Variants in GGT7 observed in about 807,000 individuals in gnomAD.
GGT7 encodes the protein glutathione hydrolase 7.
In GGT7, 30 loss-of-function variants were observed where a neutral mutation model predicts 69.2. The observed-to-expected ratio is 0.43, with a 90% CI of 0.32 to 0.59. GGT7 has a LOEUF of 0.59. Ranked by LOEUF, GGT7 falls within the 20% of genes least tolerant of loss-of-function variation. GGT7 has a pLI of 0.05. For missense variants in GGT7, 733 were observed against 901.1 expected (o/e 0.81, Z 2.39); for synonymous variants, 388 against 391.8 (o/e 0.99, Z 0.12).
Position 34,859,602 on chromosome 20 carries a change from G to T in GGT7, c.855C>A (p.Ser285=), listed in dbSNP as rs762799045. 1.9e-6 allele frequency: 3 copies of T among 1,599,758 alleles called. No homozygotes were observed. The highest frequency in any genetic ancestry group is 1.3e-5 in the African/African-American group (1 of 74,888). ...ALAEQLPPNM[S]ERFRETFLPS... is the part of the protein sequence containing the mutation. ...GCAGGAACGTCTCCCGGAAGCGCTC[G>T]GACATGTTGGGTGGCAGCTGTTCAG... The change falls in exon 7 of 15, where the codon TCC becomes TCA. Residue 285 remains serine (S), a synonymous_variant. Coordinates refer to ENST00000336431, the MANE Select transcript of GGT7 (RefSeq NM_178026.3).
In GGT7 at chr20:34,849,966, A is replaced by G. The variant is rs1871603213; in HGVS notation, c.1820T>C (p.Val607Ala). The G allele has an allele frequency of 1.9e-6, 3 of 1,604,152 alleles. No individual in the cohort carries two copies. The highest frequency in any genetic ancestry group is 1.1e-5 in the South Asian group (1 of 90,882). Residue 607 changes from valine (V) to alanine (A), a missense_variant, in exon 14 of 15, where the codon GTG (valine) becomes GCG (alanine). Transcript: ENST00000336431. Reference protein sequence around the residue: ...HPDLQSNLLQVDSEFTEEEIE... With the variant: ...HPDLQSNLLQADSEFTEEEIE... Reference sequence around the variant, plus strand: ...GGTCTCTGCTCTGCACTCACTGTCCACCTGCAGGAGGTTGGACTGCAGGTC... The same window carrying G: ...GGTCTCTGCTCTGCACTCACTGTCCGCCTGCAGGAGGTTGGACTGCAGGTC...
chr20:34,854,296 G>A lies in GGT7; in HGVS notation c.1319+235C>T, dbSNP rs540818488. ...AAGGAGGAGCAGATGGGCTTATATA[G>A]GTGCTATGCTAGCCTCAAAAAAATT... On this transcript the variant is annotated intron_variant, in intron 10 of 14. Transcript: ENST00000336431. Among the ~76,000 whole-genome samples, 18 of 152,254 alleles carry A rather than the reference G, an allele frequency of 1.2e-4. No homozygotes were observed. The South Asian group carries it at 1.9e-3, about 16-fold the overall frequency.
At chr20:34,871,285 G>C (rs977306474) in intron 1 of GGT7, among the ~76,000 whole-genome samples, 1 of 152,176 alleles carries the variant, frequency 6.6e-6, no homozygotes, top group Admixed American at 6.6e-5. Context: ...TGTTGAGCTG[G>C]AAGAGGAAAC....
intron 10 of GGT7, among the ~76,000 whole-genome samples, chr20:34,853,116 A>AT (rs541955105): frequency 4.0e-5 from 6 of 151,642 alleles, no homozygotes; most frequent in East Asian, 1.9e-4. Context: ...CACCTAGCTA[A>AT]TTTTTTTTAG....
chr20:34,866,674 G>C (rs1045122937), intron 1 of GGT7, among the ~76,000 whole-genome samples: 11 of 151,998 alleles, frequency 7.2e-5, no homozygotes, highest in African/African-American at 2.7e-4. Flanking sequence ...CCATCTCCCA[G>C]GTTCAAGTGA....
At chr20:34,849,911 T>C (rs765346401) in intron 14 of GGT7, 50 bp downstream of exon 14, 10 of 1,152,650 alleles carry the variant, frequency 8.7e-6, no homozygotes, top group African/African-American at 1.5e-5. Context: ...AGGAGTCCTT[T>C]CTCTACCTGT....
Position 34,852,529 on chromosome 20 carries a change from C to T in GGT7, c.1329G>A (p.Glu443=). The change falls in exon 11 of 15, where the codon GAG becomes GAA. Residue 443 remains glutamate, a synonymous_variant. Coordinates refer to ENST00000336431, the MANE Select transcript of GGT7 (RefSeq NM_178026.3). Reference sequence around the variant, plus strand: ...TGATATGGCCCCGGAGGTAGGCGGCCTCCACCTTGCTGAAAAGACAAGGGG... The same window carrying T: ...TGATATGGCCCCGGAGGTAGGCGGCTTCCACCTTGCTGAAAAGACAAGGGG... ...ESMDDMLSKV[E]AAYLRGHIND... The T allele has an allele frequency of 6.3e-7, 1 of 1,578,394 alleles. No individual in the cohort carries two copies. The highest frequency in any genetic ancestry group is 8.6e-7 in the Non-Finnish European group (1 of 1,163,328).
chr20:34,848,002 A>C (rs2079326247), intron 14 of GGT7, among the ~76,000 whole-genome samples: 1 of 152,220 alleles, frequency 6.6e-6, no homozygotes, highest in South Asian at 2.1e-4. Flanking sequence ...CTGAGGCACG[A>C]GAATCACTTG....
In GGT7 at chr20:34,862,876, G is replaced by C; in HGVS notation, c.495C>G (p.Asp165Glu). 1 of 1,614,118 alleles carries C rather than the reference G, an allele frequency of 6.2e-7. No individual in the cohort carries two copies. Among genetic ancestry groups the C allele is most frequent in the Non-Finnish European group, 8.5e-7 (1 of 1,180,010 alleles). Residue 165 changes from aspartate (D) to glutamate (E), a missense_variant, in exon 3 of 15, where the codon GAC (aspartate) becomes GAG (glutamate). Asp to Glu is a conservative substitution (Grantham distance 45). Transcript: ENST00000336431. The stretch of plus-strand genomic sequence containing the variant: ...AACACAAGGCTGCTGCCACCGCTGC[G>C]TCCACAGAAGATCCCTGTTTACTGA... ...EVLSKQGSSV[D>E]AAVAAALCLG...
chr20:34,862,362 A>C (rs2079611012), intron 3 of GGT7, among the ~76,000 whole-genome samples: 1 of 152,200 alleles, frequency 6.6e-6, no homozygotes, highest in Non-Finnish European at 1.5e-5. Context: ...TGTCTAAACC[A>C]AACCAGTCTG....
At chr20:34,868,847 A>G (rs1225823318) in intron 1 of GGT7, among the ~76,000 whole-genome samples, 1 of 152,218 alleles carries the variant, frequency 6.6e-6, no homozygotes, top group Admixed American at 6.5e-5. Context: ...CCCTAATAAA[A>G]TGGGAGGCCT....
rs961016522 is a variant in GGT7 at position 34,852,557 on chromosome 20, G to A, written c.1320-19C>T. 3 of 1,557,656 alleles carry A rather than the reference G, an allele frequency of 1.9e-6. No individual in the cohort carries two copies. Among genetic ancestry groups the A allele is most frequent in the African/African-American group, 1.4e-5 (1 of 72,156 alleles). On this transcript the variant is annotated intron_variant, in intron 10 of 14. Coordinates refer to ENST00000336431, the MANE Select transcript of GGT7 (RefSeq NM_178026.3). ...CACCTTGCTGAAAAGACAAGGGGTG[G>A]GAGATGAGCAAACAACAGGCTCTCA...
Position 34,863,262 on chromosome 20 carries a change from C to T in GGT7, c.405+51G>A, listed in dbSNP as rs765100235. On this transcript the variant is annotated intron_variant, in intron 2 of 14. Coordinates refer to ENST00000336431, the MANE Select transcript of GGT7 (RefSeq NM_178026.3). This position sits in a 1 kb window ranked among gnomAD's most constrained non-coding sequence, Gnocchi z 4.4. ...AGTTTCCACAGTTCCTCAAACATTA[C>T]CCCACTCCCCACTCCCCAGTTTCCT... 6 of 1,289,950 alleles carry T rather than the reference C, an allele frequency of 4.7e-6. No homozygotes were observed. Among genetic ancestry groups the T allele is most frequent in the Non-Finnish European group, 6.6e-6 (6 of 911,506 alleles). The allele number at this position is 1,289,950 out of a possible 1,614,324, so 79.9% of individuals were successfully genotyped here.
At position 34,845,347 on chromosome 20, in the gene GGT7, G is replaced by A. The variant is rs1429171581; in HGVS notation, c.1970C>T (p.Ala657Val). 6.2e-7 allele frequency: 1 copy of A among 1,613,798 alleles called. No homozygotes were observed. The highest frequency in any genetic ancestry group is 8.5e-7 in the Non-Finnish European group (1 of 1,179,934). The part of the protein sequence containing the change: ...AVKDPRSPDA[A>V]GATIL ...GCTGCTCTACAGGATGGTGGCTCCA[G>A]CTGCATCTGGGCTCCGAGGGTCCTT... Residue 657 changes from alanine (A) to valine (V), a missense_variant, in exon 15 of 15, where the codon GCT (alanine) becomes GTT (valine). By Grantham distance (64) the Ala-to-Val change is moderately conservative. Coordinates refer to ENST00000336431, the MANE Select transcript of GGT7 (RefSeq NM_178026.3).
chr20:34,845,579 G>C, intron 14 of GGT7, 88 bp from the exon 15 acceptor site: 3 of 1,131,402 alleles, frequency 2.7e-6, no homozygotes, highest in Non-Finnish European at 3.9e-6. Flanking sequence ...CCTCATCCTG[G>C]CTGCTCCACC....
chr20:34,856,778 G>A (rs1390394571), intron 8 of GGT7, 28 bp downstream of exon 8: 1 of 1,360,760 alleles, frequency 7.3e-7, no homozygotes, highest in Admixed American at 1.7e-5. Context: ...TCCTGAGGGG[G>A]GACCCTGGGA....
Position 34,863,314 on chromosome 20 carries a change from T to C in GGT7, c.404A>G (p.Gln135Arg). The C allele has an allele frequency of 6.5e-7, 1 of 1,548,442 alleles. No homozygotes were observed. The highest frequency in any genetic ancestry group is 8.8e-7 in the Non-Finnish European group (1 of 1,132,370). ...CCCCTCCCCATTTGTCCCCCTCACC[T>C]GGGGGTCCCCGAAGTAGATCTGCAT... is the stretch of plus-strand genomic sequence containing the variant. ...LVMQIYFGDP[Q>R]IFQQGAVVTD... Residue 135 changes from glutamine to arginine, a missense_variant and splice_region_variant, in exon 2 of 15, where the codon CAG becomes CGG. Transcript: ENST00000336431. The surrounding 1 kb of genome is among the most constrained non-coding windows in gnomAD (Gnocchi z 4.4).
intron 9 of GGT7, 74 bp from the exon 10 acceptor site, chr20:34,854,693 G>A (rs751121806): frequency 5.1e-6 from 8 of 1,581,006 alleles, no homozygotes; most frequent in Middle Eastern, 1.7e-4. Flanking sequence ...ACTTTCGTGT[G>A]TGAGAAAACT....
At chr20:34,855,814 T>TGTGTGTGTGTGTGTGTGTGAGA (rs56219337) in intron 8 of GGT7, among the ~76,000 whole-genome samples, 1 of 144,518 alleles carries the variant, frequency 6.9e-6, no homozygotes, top group Middle Eastern at 3.2e-3. Flanking sequence ...TGTGTGTGTG[T>TGTGTGTGTGTGTGTGTGTGAGA]GATAATGGTC....
Sources: gnomAD v4.1 joint callset for allele counts (sites outside exome capture counted in the v4.1 genomes callset) on GRCh38, gnomAD v4.1.1 for gene constraint, Gnocchi (gnomAD v3.1) non-coding constraint, MANE v1.5 for transcripts, NCBI Gene and HGNC (gene_info 2026-07-23, HGNC 2026-07-21) for gene names.